The following MTHFD1L variants were observed in gnomAD, a reference collection of about 807,000 sequenced individuals.
MTHFD1L encodes the protein methylenetetrahydrofolate dehydrogenase (NADP+ dependent) 1 like.
A neutral mutation model predicts 119.5 loss-of-function variants in MTHFD1L; 81 were observed. That is an observed-to-expected ratio of 0.68 (90% confidence interval 0.57 to 0.82). MTHFD1L has a LOEUF of 0.82. Ranked by LOEUF, MTHFD1L falls within the 40% of genes least tolerant of loss-of-function variation. The probability of loss-of-function intolerance (pLI) is 0.00; values close to 1 mark genes in which losing one functional copy is unlikely to be tolerated. For missense variants in MTHFD1L, 1,125 were observed against 1,253.4 expected, an observed-to-expected ratio of 0.90 and a Z score of 1.55; for synonymous variants, 430 against 475.2, an observed-to-expected ratio of 0.90 and a Z score of 1.24.
At chr6:150,935,460 A>G in intron 11 of MTHFD1L, 1 of 1,611,110 alleles carries the variant, frequency 6.2e-7, no homozygotes, top group South Asian at 1.1e-5. Context: ...TGGCATTTGT[A>G]GCCTACCTGT....
chr6:150,890,224 G>T (rs964480244), intron 7 of MTHFD1L, among the ~76,000 whole-genome samples: 1 of 152,072 alleles, frequency 6.6e-6, no homozygotes, highest in Non-Finnish European at 1.5e-5. Context: ...GACAAAACTT[G>T]CCCATATATA....
chr6:150,905,034 CTCT>C (rs1238785130), intron 7 of MTHFD1L, among the ~76,000 whole-genome samples: 2 of 111,370 alleles, frequency 1.8e-5, no homozygotes, highest in Non-Finnish European at 3.5e-5. Flanking sequence ...CCTTGTTTTC[CTCT>C]TTTTTTTTTT....
intron 7 of MTHFD1L, among the ~76,000 whole-genome samples, chr6:150,900,970 G>A (rs1041883727): frequency 4.0e-5 from 6 of 151,540 alleles, no homozygotes; most frequent in Non-Finnish European, 7.4e-5. Context: ...AGCCGGGATC[G>A]CGCCACTGCA....
intron 7 of MTHFD1L, among the ~76,000 whole-genome samples, chr6:150,900,554 G>A (rs536561801): frequency 1.3e-5 from 2 of 152,192 alleles, no homozygotes; most frequent in East Asian, 1.9e-4. Flanking sequence ...CCAGACCCGG[G>A]CCCCCAGCTT....
intron 7 of MTHFD1L, among the ~76,000 whole-genome samples, chr6:150,888,700 CA>C (rs1291093058): frequency 6.6e-6 from 1 of 152,074 alleles, no homozygotes; most frequent in Non-Finnish European, 1.5e-5. Flanking sequence ...CAAAGAGAGT[CA>C]AGACAATTTT....
chr6:151,054,453 T>A (rs1789566529), intron 26 of MTHFD1L, among the ~76,000 whole-genome samples: 1 of 152,140 alleles, frequency 6.6e-6, no homozygotes, highest in Non-Finnish European at 1.5e-5. Flanking sequence ...CTGAGGACAA[T>A]GATGGAGTGC....
chr6:150,971,839 T>C (rs1798034177), intron 19 of MTHFD1L, 108 bp from the exon 20 acceptor site: 1 of 826,418 alleles, frequency 1.2e-6, no homozygotes, highest in Admixed American at 2.2e-5. Flanking sequence ...ATGCATTAAA[T>C]ATGCAGTATT....
intron 18 of MTHFD1L, among the ~76,000 whole-genome samples, chr6:150,963,008 C>T (rs550078179): frequency 6.6e-6 from 1 of 151,046 alleles, no homozygotes; most frequent in South Asian, 2.1e-4. Flanking sequence ...CTCCAACTCC[C>T]AGGTTCAAGT....
At chr6:151,026,467 C>T (rs1489849649) in intron 24 of MTHFD1L, among the ~76,000 whole-genome samples, 1 of 152,168 alleles carries the variant, frequency 6.6e-6, no homozygotes, top group Non-Finnish European at 1.5e-5. Context: ...GGCCAGTGAA[C>T]ACACGATACA....
At chr6:150,878,019 C>T (rs1780745775) in intron 4 of MTHFD1L, among the ~76,000 whole-genome samples, 193 bp downstream of exon 4, 1 of 152,210 alleles carries the variant, frequency 6.6e-6, no homozygotes, top group Admixed American at 6.5e-5. Context: ...TTGTATGTTT[C>T]TACTGAAGAC....
At chr6:150,993,381 T>C (rs1184841671) in intron 20 of MTHFD1L, among the ~76,000 whole-genome samples, 1 of 152,026 alleles carries the variant, frequency 6.6e-6, no homozygotes, top group African/African-American at 2.4e-5. Flanking sequence ...AGTGCAGTGA[T>C]GTGATCTCGG....
At chr6:151,065,766 T>G (rs1042548880) in intron 26 of MTHFD1L, among the ~76,000 whole-genome samples, 7 of 152,230 alleles carry the variant, frequency 4.6e-5, no homozygotes, top group African/African-American at 7.2e-5. Flanking sequence ...GCCCATCCTG[T>G]GCATAGGGCA....
At chr6:150,965,119 A>G in intron 19 of MTHFD1L, 82 bp downstream of exon 19, 1 of 1,255,300 alleles carries the variant, frequency 8.0e-7, no homozygotes. Context: ...AATATGAGGC[A>G]GGCATAGAGC....
At chr6:151,024,556 C>T (rs550843293) in intron 24 of MTHFD1L, among the ~76,000 whole-genome samples, 10 of 152,104 alleles carry the variant, frequency 6.6e-5, no homozygotes, top group African/African-American at 1.4e-4. Flanking sequence ...AGGCCAGGCA[C>T]GATGGCTCCC....
In MTHFD1L at chr6:150,926,366, C is replaced by A; in HGVS notation, c.1256+71C>A. 7.7e-7 allele frequency: 1 copy of A among 1,301,194 alleles called. No individual in the cohort carries two copies. Among genetic ancestry groups the A allele is most frequent in the Non-Finnish European group, 1.1e-6 (1 of 928,504 alleles). 80.6% of individuals were successfully genotyped at this position (1,301,194 alleles called of 1,614,324 possible). ...AAAACTCTTCCCTATTTATCTCTCT[C>A]CTCGTACCCCTCAATCCATCCTATT... On this transcript the variant is annotated intron_variant, in intron 11 of 27. Transcript: ENST00000367321. The surrounding 1 kb of genome is among the most constrained non-coding windows in gnomAD (Gnocchi z 4.3).
intron 1 of MTHFD1L, among the ~76,000 whole-genome samples, chr6:150,873,371 G>A (rs1016881313): frequency 2.0e-5 from 3 of 152,108 alleles, no homozygotes; most frequent in Admixed American, 1.3e-4. Context: ...GACTATGAAT[G>A]TTTCTGAGAA....
chr6:150,879,381 G>A (rs892247498), intron 4 of MTHFD1L, among the ~76,000 whole-genome samples: 13 of 151,932 alleles, frequency 8.6e-5, no homozygotes, highest in African/African-American at 2.7e-4. Context: ...TCTACCTCCC[G>A]GGTTCAAGTC....
intron 26 of MTHFD1L, among the ~76,000 whole-genome samples, chr6:151,077,273 G>T (rs1343637358): frequency 6.6e-6 from 1 of 152,164 alleles, no homozygotes; most frequent in Admixed American, 6.5e-5. Context: ...TCAAAAAGAG[G>T]ATACTAAAAG....
At chr6:150,991,706 G>C (rs1428410960) in intron 20 of MTHFD1L, among the ~76,000 whole-genome samples, 1 of 152,224 alleles carries the variant, frequency 6.6e-6, no homozygotes. Flanking sequence ...ATAGTTTAGA[G>C]TCTAAGACAT....
Sources: gnomAD v4.1 joint callset for allele counts (sites outside exome capture counted in the v4.1 genomes callset) on GRCh38, gnomAD v4.1.1 for gene constraint, Gnocchi (gnomAD v3.1) non-coding constraint, MANE v1.5 for transcripts, NCBI Gene and HGNC (gene_info 2026-07-23, HGNC 2026-07-21) for gene names.